The following TBC1D12 variants were observed in gnomAD, a reference collection of about 807,000 sequenced individuals.
TBC1D12 encodes the protein TBC1 domain family member 12, also known as TBC1 domain family, member 12.
Under a neutral mutation model 86.7 loss-of-function variants are expected in TBC1D12, and 56 were observed. That is an observed-to-expected ratio of 0.65 (90% CI 0.52 to 0.81). TBC1D12 has a LOEUF of 0.81. Ranked by LOEUF, TBC1D12 falls within the 30% of genes least tolerant of loss-of-function variation. The pLI, the probability that TBC1D12 is intolerant of heterozygous loss-of-function variation, is 0.00. For missense variants in TBC1D12, 1,023 were observed against 1,038.8 expected, an observed-to-expected ratio of 0.98 and a Z score of 0.21; for synonymous variants, 421 against 411.7, an observed-to-expected ratio of 1.02 and a Z score of -0.27.
At chr10:94,409,207 T>A (rs1302757030) in intron 1 of TBC1D12, among the ~76,000 whole-genome samples, 1 of 152,094 alleles carries the variant, frequency 6.6e-6, no homozygotes, top group African/African-American at 2.4e-5. Context: ...CCAGCATTGG[T>A]TCAGGACTTC....
At chr10:94,463,222 T>C (rs962231573) in intron 2 of TBC1D12, among the ~76,000 whole-genome samples, 5 of 152,238 alleles carry the variant, frequency 3.3e-5, no homozygotes, top group African/African-American at 7.2e-5. Flanking sequence ...GGATGGTCAG[T>C]GTCTCAGTCC....
chr10:94,482,906 AT>A (rs1245141707), intron 3 of TBC1D12, among the ~76,000 whole-genome samples: 2 of 151,734 alleles, frequency 1.3e-5, no homozygotes, highest in East Asian at 3.9e-4. Flanking sequence ...AACATGTGAT[AT>A]TTTTCTGTGC....
chr10:94,480,088 A>G (rs955319162), intron 3 of TBC1D12, among the ~76,000 whole-genome samples: 5 of 152,234 alleles, frequency 3.3e-5, no homozygotes, highest in African/African-American at 1.2e-4. Flanking sequence ...GACTATGGTA[A>G]CATTTTGGGT....
intron 1 of TBC1D12, among the ~76,000 whole-genome samples, chr10:94,408,271 T>C (rs577816185): frequency 6.6e-6 from 1 of 152,310 alleles, no homozygotes; most frequent in South Asian, 2.1e-4. Context: ...TTTTTTCCCT[T>C]TATCTGAAAA....
In TBC1D12 at chr10:94,402,670, G is replaced by A. The variant is rs1408388629; in HGVS notation, c.57G>A (p.Pro19=). The part of the protein sequence containing the change: ...ACSGRNPKLL[P]VPAPDPVGQD... Reference sequence around the variant, plus strand: ...CGGGAAGAAACCCCAAGTTGCTCCCGGTGCCTGCGCCGGACCCCGTGGGCC... The same window carrying A: ...CGGGAAGAAACCCCAAGTTGCTCCCAGTGCCTGCGCCGGACCCCGTGGGCC... The change falls in exon 1 of 13, where the codon CCG becomes CCA. Residue 19 remains proline (P), a synonymous_variant. Transcript: ENST00000225235. 2 of 1,609,306 alleles carry A rather than the reference G, an allele frequency of 1.2e-6. No individual in the cohort carries two copies. The highest frequency in any genetic ancestry group is 1.1e-5 in the South Asian group (1 of 90,366).
intron 1 of TBC1D12, among the ~76,000 whole-genome samples, chr10:94,427,494 A>G (rs1340065669): frequency 2.6e-5 from 4 of 152,242 alleles, no homozygotes; most frequent in East Asian, 3.9e-4. Flanking sequence ...TTTTTCTTTT[A>G]TCATTAAATG....
At chr10:94,510,661 C>T (rs1483049454) in intron 8 of TBC1D12, among the ~76,000 whole-genome samples, 1 of 152,082 alleles carries the variant, frequency 6.6e-6, no homozygotes, top group African/African-American at 2.4e-5. Flanking sequence ...TGACTCATGT[C>T]TTTATTTTTA....
intron 9 of TBC1D12, among the ~76,000 whole-genome samples, chr10:94,515,718 G>A (rs1174773369): frequency 1.3e-5 from 2 of 152,096 alleles, no homozygotes; most frequent in African/African-American, 4.8e-5. Context: ...TGTTTTTTCT[G>A]TACATACATA....
intron 1 of TBC1D12, among the ~76,000 whole-genome samples, chr10:94,421,362 C>T (rs762859191): frequency 6.6e-6 from 1 of 152,180 alleles, no homozygotes; most frequent in Non-Finnish European, 1.5e-5. Flanking sequence ...ACAGAATTTC[C>T]TAATTTAAAA....
intron 1 of TBC1D12, among the ~76,000 whole-genome samples, chr10:94,437,608 A>AT (rs1450674888): frequency 2.0e-5 from 3 of 151,546 alleles, no homozygotes; most frequent in Non-Finnish European, 4.4e-5. Flanking sequence ...TTCTTCACGT[A>AT]TTTTTTCTGC....
chr10:94,442,082 CTTT>C (rs78976375), intron 2 of TBC1D12, 63 bp downstream of exon 2: 262,442 of 1,182,156 alleles, frequency 0.22, 7,222 homozygotes, highest in East Asian at 0.32. Context: ...TCTTCTTCTT[CTTT>C]TTTTTTTTTT....
At chr10:94,460,276 G>C (rs557670047) in intron 2 of TBC1D12, among the ~76,000 whole-genome samples, 1 of 152,276 alleles carries the variant, frequency 6.6e-6, no homozygotes, top group East Asian at 1.9e-4. Flanking sequence ...TCTTTCAGAA[G>C]AAATTCTTTT....
chr10:94,435,690 TA>T (rs2055284318), intron 1 of TBC1D12, among the ~76,000 whole-genome samples: 3 of 152,244 alleles, frequency 2.0e-5, no homozygotes, highest in Admixed American at 6.5e-5. Flanking sequence ...CATTACTTTT[TA>T]TGCTGGTGAT....
intron 3 of TBC1D12, among the ~76,000 whole-genome samples, chr10:94,480,630 C>T (rs1446561767): frequency 6.6e-6 from 1 of 151,688 alleles, no homozygotes; most frequent in African/African-American, 2.4e-5. Flanking sequence ...TTAGGTTTCC[C>T]AGTTCAGTGA....
chr10:94,452,079 T>C (rs1164514511), intron 2 of TBC1D12, among the ~76,000 whole-genome samples: 1 of 150,168 alleles, frequency 6.7e-6, no homozygotes, highest in Non-Finnish European at 1.5e-5. Flanking sequence ...AATGCATATA[T>C]ATTTAAATAT....
At chr10:94,451,117 T>C (rs1316973183) in intron 2 of TBC1D12, among the ~76,000 whole-genome samples, 1 of 152,032 alleles carries the variant, frequency 6.6e-6, no homozygotes, top group Non-Finnish European at 1.5e-5. Context: ...TAGTGTTTCA[T>C]ACCACTGTTG....
intron 2 of TBC1D12, among the ~76,000 whole-genome samples, chr10:94,460,188 T>C (rs1261833318): frequency 1.3e-5 from 2 of 152,104 alleles, no homozygotes; most frequent in Admixed American, 6.5e-5. Flanking sequence ...GCTGAGATCA[T>C]GAGATCACGC....
intron 1 of TBC1D12, among the ~76,000 whole-genome samples, chr10:94,441,383 T>G (rs1423111052): frequency 6.6e-6 from 1 of 152,112 alleles, no homozygotes; most frequent in Non-Finnish European, 1.5e-5. Context: ...AACTGTTATA[T>G]AGATTCTTTT....
At chr10:94,482,283 T>G (rs1337548197) in intron 3 of TBC1D12, among the ~76,000 whole-genome samples, 2 of 152,166 alleles carry the variant, frequency 1.3e-5, no homozygotes, top group East Asian at 3.8e-4. Context: ...CTGCATTAGT[T>G]TGTGGAAGAT....
Sources: gnomAD v4.1 joint callset for allele counts (sites outside exome capture counted in the v4.1 genomes callset) on GRCh38, gnomAD v4.1.1 for gene constraint, MANE v1.5 for transcripts, NCBI Gene and HGNC (gene_info 2026-07-23, HGNC 2026-07-21) for gene names.